The following JRK variants were observed in gnomAD, a reference collection of about 807,000 sequenced individuals.
JRK encodes the protein jerky protein homolog.
For synonymous variants in JRK, 303 were observed against 218.1 expected, an observed-to-expected ratio of 1.39 and a Z score of -3.43; for missense variants, 720 against 509.2, an observed-to-expected ratio of 1.41 and a Z score of -3.98.
chr8:142,657,499 T>A lies in JRK; in HGVS notation c.*6853A>T, dbSNP rs1846778256. On this transcript the variant is annotated 3_prime_UTR_variant, in exon 2 of 2. Transcript: ENST00000612905. The stretch of plus-strand genomic sequence containing the variant: ...AAGAGGTTTATTTGGCTCACAGTTC[T>A]GCAGGCTGTACAAGCAGCATGGTGC... 1 of 159,204 alleles carries A rather than the reference T, an allele frequency of 6.3e-6. No individual in the cohort carries two copies. The highest frequency in any genetic ancestry group is 2.4e-5 in the African/African-American group (1 of 41,594). 9.9% of individuals were successfully genotyped at this position (159,204 alleles called of 1,614,324 possible). A position where few individuals can be genotyped will look rare whatever the true frequency, so the allele number is the denominator to read the frequency against.
At chr8:142,645,379 A>T in the JRK span, among the ~76,000 whole-genome samples, 1 of 152,122 alleles carries the variant, frequency 6.6e-6, no homozygotes, top group African/African-American at 2.4e-5. Context: ...TTTGGTTTTT[A>T]AAAAAATACA....
rs1366385901 is a variant in JRK at position 142,659,884 on chromosome 8, T to A, written c.*4468A>T. 5 of 985,324 alleles carry A rather than the reference T, an allele frequency of 5.1e-6. No individual in the cohort carries two copies. Among genetic ancestry groups the A allele is most frequent in the Non-Finnish European group, 6.0e-6 (5 of 829,992 alleles). The allele number at this position is 985,324 out of a possible 1,614,324, so 61.0% of individuals were successfully genotyped here. ...CCCCAGTCTCATCCCTAAACAGGAG[T>A]GACCCCACCTCATTTCATGTCATCA... On this transcript the variant is annotated 3_prime_UTR_variant, in exon 2 of 2. Transcript: ENST00000612905.
At chr8:142,651,366 T>C in the JRK span, among the ~76,000 whole-genome samples, 1 of 151,796 alleles carries the variant, frequency 6.6e-6, no homozygotes, top group African/African-American at 2.4e-5. Flanking sequence ...AAGGACTTGA[T>C]TTAGGAACCA....
chr8:142,648,045 T>A, the JRK span, among the ~76,000 whole-genome samples: 2 of 152,230 alleles, frequency 1.3e-5, no homozygotes, highest in Non-Finnish European at 2.9e-5. Flanking sequence ...GCCCTGGAGA[T>A]GTGACGAATT....
chr8:142,658,968 T>G lies in JRK; in HGVS notation c.*5384A>C, dbSNP rs781825101. ...TCCTGAAACAACAGAACTTTGCTGC[T>G]TCATGGAGGAGCGTCAGTATGTCCA... On this transcript the variant is annotated 3_prime_UTR_variant, in exon 2 of 2. Transcript: ENST00000612905. 2 of 1,609,094 alleles carry G rather than the reference T, an allele frequency of 1.2e-6. No homozygotes were observed. The highest frequency in any genetic ancestry group is 1.7e-6 in the Non-Finnish European group (2 of 1,177,578).
At chr8:142,650,812 A>T in the JRK span, among the ~76,000 whole-genome samples, 16 of 152,340 alleles carry the variant, frequency 1.1e-4, no homozygotes, top group Admixed American at 6.5e-4. Context: ...CTTCCTTAAA[A>T]AACAAGGGTA....
At chr8:142,667,282 G>A (rs1554636338) in intron 1 of JRK, among the ~76,000 whole-genome samples, 1 of 152,142 alleles carries the variant, frequency 6.6e-6, no homozygotes, top group Non-Finnish European at 1.5e-5. Flanking sequence ...CTTCCAGAGG[G>A]GACCCCTCAA....
the JRK span, among the ~76,000 whole-genome samples, chr8:142,644,629 A>G: frequency 6.6e-6 from 1 of 152,192 alleles, no homozygotes; most frequent in Admixed American, 6.5e-5. Context: ...AAGGTTTAAA[A>G]CACTTGATAT....
intron 1 of JRK, among the ~76,000 whole-genome samples, chr8:142,669,405 G>A (rs1847250414): frequency 6.6e-6 from 1 of 152,034 alleles, no homozygotes; most frequent in Non-Finnish European, 1.5e-5. Context: ...CTCCACGCTG[G>A]GGGATCCTGG....
At position 142,661,540 on chromosome 8, in the gene JRK, G is replaced by A. The variant is rs1006384497; in HGVS notation, c.*2812C>T. The A allele has an allele frequency of 2.7e-5, 27 of 985,372 alleles. No homozygotes were observed. Among genetic ancestry groups the A allele is most frequent in the Non-Finnish European group, 3.0e-5 (25 of 829,970 alleles). The allele number at this position is 985,372 out of a possible 1,614,324, so 61.0% of individuals were successfully genotyped here. On this transcript the variant is annotated 3_prime_UTR_variant, in exon 2 of 2. Transcript: ENST00000612905. ...TATGACGCAGCACCTGCTACCCCAC[G>A]AGCCACTGGAAAACTGAGGCTGCAA...
At chr8:142,647,644 G>A in the JRK span, among the ~76,000 whole-genome samples, 2 of 152,198 alleles carry the variant, frequency 1.3e-5, no homozygotes, top group Non-Finnish European at 2.9e-5. Flanking sequence ...GCCATGTGGA[G>A]CTGTAAGTCC....
downstream of JRK, among the ~76,000 whole-genome samples, chr8:142,653,597 G>A (rs587609769): frequency 6.6e-6 from 1 of 151,852 alleles, no homozygotes; most frequent in South Asian, 2.1e-4. Context: ...GACTGGTCTC[G>A]AGCTCCTGGG....
intron 1 of JRK, among the ~76,000 whole-genome samples, chr8:142,667,638 G>A (rs1325679646): frequency 6.6e-6 from 1 of 152,182 alleles, no homozygotes; most frequent in African/African-American, 2.4e-5. Context: ...TGGGAGCAAG[G>A]GTTCTTCCTG....
Position 142,658,957 on chromosome 8 carries a change from A to C in JRK, c.*5395T>G. The C allele has an allele frequency of 6.2e-7, 1 of 1,611,686 alleles. No individual in the cohort carries two copies. Among genetic ancestry groups the C allele is most frequent in the Non-Finnish European group, 8.5e-7 (1 of 1,178,900 alleles). ...GGCCCACAGTCTCCTGAAACAACAG[A>C]ACTTTGCTGCTTCATGGAGGAGCGT... is the stretch of plus-strand genomic sequence containing the variant. On this transcript the variant is annotated 3_prime_UTR_variant, in exon 2 of 2. Coordinates refer to ENST00000612905, the MANE Select transcript of JRK (RefSeq NM_003724.4).
At position 142,659,479 on chromosome 8, in the gene JRK, C is replaced by A; in HGVS notation, c.*4873G>T. ...CAGCCAGCCTGGGTGTGGAAATGGC[C>A]GTGCTGACAGGCTCTCTGCGATAGG... On this transcript the variant is annotated 3_prime_UTR_variant, in exon 2 of 2. Coordinates refer to ENST00000612905, the MANE Select transcript of JRK (RefSeq NM_003724.4). The A allele has an allele frequency of 1.0e-6, 1 of 986,356 alleles. No individual in the cohort carries two copies. Among genetic ancestry groups the A allele is most frequent in the Non-Finnish European group, 1.2e-6 (1 of 830,534 alleles). 61.1% of individuals were successfully genotyped at this position (986,356 alleles called of 1,614,324 possible).
Position 142,664,159 on chromosome 8 carries a change from C to T in JRK, c.*193G>A, listed in dbSNP as rs1847004752. 4 of 1,348,232 alleles carry T rather than the reference C, an allele frequency of 3.0e-6. No individual in the cohort carries two copies. Among genetic ancestry groups the T allele is most frequent in the South Asian group, 2.3e-5 (1 of 43,980 alleles). 83.5% of individuals were successfully genotyped at this position (1,348,232 alleles called of 1,614,324 possible). On this transcript the variant is annotated 3_prime_UTR_variant, in exon 2 of 2. Transcript: ENST00000612905. ...GACACGGCAAGTGATAAAATAAAAC[C>T]TGTATTGACAGGAACCTCGGGCACA...
At chr8:142,645,391 C>A in the JRK span, among the ~76,000 whole-genome samples, 3 of 151,806 alleles carry the variant, frequency 2.0e-5, no homozygotes, top group African/African-American at 7.3e-5. Context: ...AAAAATACAC[C>A]CTCTTAGGCT....
downstream of JRK, chr8:142,657,355 G>A (rs374457058): frequency 6.6e-6 from 1 of 152,596 alleles, no homozygotes; most frequent in African/African-American, 2.4e-5. Context: ...GTGGGGATTA[G>A]AGCAGGTGTC....
At chr8:142,657,381 C>A (rs1846775774), downstream of JRK, 1 of 152,504 alleles carries the variant, frequency 6.6e-6, no homozygotes, top group Middle Eastern at 3.1e-3. Flanking sequence ...ACATCTTCAA[C>A]CCTGTGGCTC....
Sources: allele counts gnomAD v4.1 joint callset (sites outside exome capture counted in the v4.1 genomes callset), GRCh38; gene constraint gnomAD v4.1.1; transcripts MANE v1.5; gene names NCBI Gene and HGNC (gene_info 2026-07-23, HGNC 2026-07-21).